Variants in PET117 observed in about 807,000 individuals in gnomAD.
PET117 encodes the protein PET117 cytochrome c oxidase chaperone.
A neutral mutation model predicts 9.2 loss-of-function variants in PET117; 10 were observed. That is an observed-to-expected ratio of 1.09 (90% CI 0.67 to 1.85). PET117 has a LOEUF of 1.85. Ranked by LOEUF, PET117 falls within the 40% of genes most tolerant of loss-of-function variation. The pLI, the probability that PET117 is intolerant of heterozygous loss-of-function variation, is 0.00. For missense variants in PET117, 96 were observed against 98.2 expected (o/e 0.98, Z 0.09); for synonymous variants, 43 against 37.1 (o/e 1.16, Z -0.57).
chr20:18,139,834 A>T (rs1393581275), intron 1 of PET117, among the ~76,000 whole-genome samples: 1 of 152,214 alleles, frequency 6.6e-6, no homozygotes, highest in Non-Finnish European at 1.5e-5. Flanking sequence ...ACCGTCTACC[A>T]CATACCAGGC....
chr20:18,138,090 G>A (rs1349380677), intron 1 of PET117, 39 bp downstream of exon 1: 1 of 1,438,958 alleles, frequency 6.9e-7, no homozygotes, highest in Non-Finnish European at 9.1e-7. Context: ...GCCCGCGCGC[G>A]CGGCGTCGAC....
intron 1 of PET117, among the ~76,000 whole-genome samples, chr20:18,141,047 A>AAT (rs2037547757): frequency 1.2e-4 from 11 of 92,854 alleles, no homozygotes; most frequent in Admixed American, 2.9e-4. Flanking sequence ...TTTTTTTTTT[A>AAT]TTTTTATTTT....
In PET117 at chr20:18,142,219, C is replaced by G; in HGVS notation, c.108C>G (p.Asp36Glu). ...KQQWDQQRLR[D>E]GVIRDIERQI... Reference sequence around the variant, plus strand: ...TCTTACGTTTTTAGAGGCTTCGTGACGGAGTTATCAGAGACATTGAGAGGC... The same window carrying G: ...TCTTACGTTTTTAGAGGCTTCGTGAGGGAGTTATCAGAGACATTGAGAGGC... Residue 36 changes from aspartate (D) to glutamate (E), a missense_variant, in exon 2 of 2, where the codon GAC (aspartate) becomes GAG (glutamate). By Grantham distance (45) the Asp-to-Glu change is conservative (BLOSUM62 2). Transcript: ENST00000432901. 6.5e-7 allele frequency: 1 copy of G among 1,536,768 alleles called. No homozygotes were observed. Among genetic ancestry groups the G allele is most frequent in the Non-Finnish European group, 8.7e-7 (1 of 1,146,708 alleles).
rs535857654 is a variant in PET117, at chr20:18,137,931, A to G, written c.-25A>G. 14 of 1,474,798 alleles carry G rather than the reference A, an allele frequency of 9.5e-6. No homozygotes were observed. The East Asian group carries it at 3.2e-4, about 33-fold the overall frequency. 91.4% of individuals were successfully genotyped at this position (1,474,798 alleles called of 1,614,324 possible). On this transcript the variant is annotated 5_prime_UTR_variant, in exon 1 of 2. Coordinates refer to ENST00000432901, the MANE Select transcript of PET117 (RefSeq NM_001164811.2). ...TCTGCGCCTCGGGCGGGCGGGAGAG[A>G]GAGGCCGCGGCCGCCAGCGTGGGGA...
rs1278377241 is a variant in PET117 at position 18,142,375 on chromosome 20, T to C, written c.*18T>C. On this transcript the variant is annotated 3_prime_UTR_variant, in exon 2 of 2. Transcript: ENST00000432901. ...AATCATGACTTGAATGTGAAATATC[T>C]GTTGGACAGACAACACGAGTTTGTG... is the stretch of plus-strand genomic sequence containing the variant. 21 of 1,533,104 alleles carry C rather than the reference T, an allele frequency of 1.4e-5. No homozygotes were observed. In the Admixed American group the frequency reaches 3.9e-4, roughly 29 times the overall value. 95.0% of individuals were successfully genotyped at this position (1,533,104 alleles called of 1,614,324 possible).
Position 18,142,780 on chromosome 20 carries a change from C to T in PET117, c.*423C>T, listed in dbSNP as rs756717589. On this transcript the variant is annotated 3_prime_UTR_variant, in exon 2 of 2. Coordinates refer to ENST00000432901, the MANE Select transcript of PET117 (RefSeq NM_001164811.2). Reference sequence around the variant, plus strand: ...TGGAGGGAGAGACGCTCCTGATCGTCGAATCCGAGGATCAGGCATCAGTGG... The same window carrying T: ...TGGAGGGAGAGACGCTCCTGATCGTTGAATCCGAGGATCAGGCATCAGTGG... The T allele has an allele frequency of 5.6e-6, 9 of 1,614,112 alleles. No individual in the cohort carries two copies. Among genetic ancestry groups the T allele is most frequent in the South Asian group, 2.2e-5 (2 of 91,068 alleles).
In PET117 at chr20:18,142,325, A is replaced by T; in HGVS notation, c.214A>T (p.Met72Leu). The T allele has an allele frequency of 6.5e-7, 1 of 1,536,898 alleles. No homozygotes were observed. The highest frequency in any genetic ancestry group is 1.4e-5 in the African/African-American group (1 of 73,164). ...GCAACTTGAAGCAGAAAGAGAGAAG[A>T]TGTTATTGGCAAAAGGATCTCAAAA... ...TEQLEAEREK[M>L]LLAKGSQKS The change falls in exon 2 of 2, where the codon ATG becomes TTG. Residue 72 changes from methionine to leucine, a missense_variant. Coordinates refer to ENST00000432901, the MANE Select transcript of PET117 (RefSeq NM_001164811.2).
At chr20:18,142,128 C>T in intron 1 of PET117, 80 bp from the exon 2 acceptor site, 2 of 1,387,436 alleles carry the variant, frequency 1.4e-6, no homozygotes, top group Non-Finnish European at 1.9e-6. Flanking sequence ...TTTGGTAACA[C>T]TGTTATTTGG....
chr20:18,142,555 T>G lies in PET117; in HGVS notation c.*198T>G. 6.6e-7 allele frequency: 1 copy of G among 1,523,886 alleles called. No individual in the cohort carries two copies. Among genetic ancestry groups the G allele is most frequent in the Non-Finnish European group, 8.8e-7 (1 of 1,134,068 alleles). The allele number at this position is 1,523,886 out of a possible 1,614,324, so 94.4% of individuals were successfully genotyped here. On this transcript the variant is annotated 3_prime_UTR_variant, in exon 2 of 2. Coordinates refer to ENST00000432901, the MANE Select transcript of PET117 (RefSeq NM_001164811.2). Reference sequence around the variant, plus strand: ...ATAAAGGAGTGTGGGCAGACACTTTTTGGAAGAGTCTGTCTGGGTGATCCT... The same window carrying G: ...ATAAAGGAGTGTGGGCAGACACTTTGTGGAAGAGTCTGTCTGGGTGATCCT...
Position 18,143,148 on chromosome 20 carries a change from A to G in PET117, c.*791A>G. Reference sequence around the variant, plus strand: ...AATTAACACTTTTGGTGGTAACTCAATAAAATTGAGAAAATTGGAAATCCT... The same window carrying G: ...AATTAACACTTTTGGTGGTAACTCAGTAAAATTGAGAAAATTGGAAATCCT... On this transcript the variant is annotated 3_prime_UTR_variant, in exon 2 of 2. Coordinates refer to ENST00000432901, the MANE Select transcript of PET117 (RefSeq NM_001164811.2). 25 of 1,254,204 alleles carry G rather than the reference A, an allele frequency of 2.0e-5. No homozygotes were observed. Among genetic ancestry groups the G allele is most frequent in the Middle Eastern group, 3.1e-4 (1 of 3,180 alleles). The allele number at this position is 1,254,204 out of a possible 1,614,324, so 77.7% of individuals were successfully genotyped here.
At chr20:18,138,847 C>T (rs67583123) in intron 1 of PET117, among the ~76,000 whole-genome samples, 48,004 of 152,002 alleles carry the variant, frequency 0.32, 7,988 homozygotes, top group Non-Finnish European at 0.34. Context: ...CACTAAGCAC[C>T]TTGGGAATAC....
chr20:18,140,557 C>G (rs1413249678), intron 1 of PET117, among the ~76,000 whole-genome samples: 2 of 152,006 alleles, frequency 1.3e-5, no homozygotes, highest in African/African-American at 4.8e-5. Flanking sequence ...TGCCTGTAAT[C>G]CCAGCACTTT....
At chr20:18,141,766 C>G (rs925852130) in intron 1 of PET117, among the ~76,000 whole-genome samples, 1 of 152,154 alleles carries the variant, frequency 6.6e-6, no homozygotes, top group Non-Finnish European at 1.5e-5. Flanking sequence ...CGCCTGTAGT[C>G]TCAGCTACTC....
intron 1 of PET117, among the ~76,000 whole-genome samples, chr20:18,139,636 G>A (rs1568660947): frequency 4.5e-5 from 1 of 22,396 alleles, no homozygotes; most frequent in Non-Finnish European, 7.8e-5. Flanking sequence ...AAAATAACGT[G>A]TGTGTGTGTG....
intron 1 of PET117, among the ~76,000 whole-genome samples, chr20:18,141,526 A>G (rs1478782182): frequency 1.3e-5 from 2 of 152,200 alleles, no homozygotes; most frequent in Non-Finnish European, 2.9e-5. Flanking sequence ...ACAGAAGAGT[A>G]GTTTAGAGTG....
In PET117 at chr20:18,142,523, T is replaced by C. The variant is rs2037625552; in HGVS notation, c.*166T>C. Reference sequence around the variant, plus strand: ...AAGTTACTGCTTTCAGGGTCCCTTATATCTGAATAAAGGAGTGTGGGCAGA... The same window carrying C: ...AAGTTACTGCTTTCAGGGTCCCTTACATCTGAATAAAGGAGTGTGGGCAGA... On this transcript the variant is annotated 3_prime_UTR_variant, in exon 2 of 2. Transcript: ENST00000432901. 7.4e-6 allele frequency: 11 copies of C among 1,476,992 alleles called. No individual in the cohort carries two copies. The highest frequency in any genetic ancestry group is 1.4e-5 in the African/African-American group (1 of 70,908). The allele number at this position is 1,476,992 out of a possible 1,614,324, so 91.5% of individuals were successfully genotyped here.
In PET117 at chr20:18,142,933, C is replaced by T. The variant is rs41276414; in HGVS notation, c.*576C>T. 10 of 1,610,046 alleles carry T rather than the reference C, an allele frequency of 6.2e-6. No individual in the cohort carries two copies. Among genetic ancestry groups the T allele is most frequent in the Non-Finnish European group, 7.6e-6 (9 of 1,176,554 alleles). On this transcript the variant is annotated 3_prime_UTR_variant, in exon 2 of 2. Coordinates refer to ENST00000432901, the MANE Select transcript of PET117 (RefSeq NM_001164811.2). ...GGATACCAGCCAGTAAGGAGCTTCT[C>T]AATTCCTTTGATTTGTCAATTCCTG...
chr20:18,139,721 T>C (rs1176590980), intron 1 of PET117, among the ~76,000 whole-genome samples: 3 of 151,648 alleles, frequency 2.0e-5, no homozygotes, highest in Admixed American at 2.0e-4. Flanking sequence ...GGGGCTTACA[T>C]TGTATTAATA....
rs1424253491 is a variant in PET117, at chr20:18,142,319, GAGA to G, written c.212_214del (p.Lys71del). On this transcript the variant is annotated inframe_deletion, in exon 2 of 2. Coordinates refer to ENST00000432901, the MANE Select transcript of PET117 (RefSeq NM_001164811.2). ...GACTGAGCAACTTGAAGCAGAAAGA[GAGA>G]AGATGTTATTGGCAAAAGGATCTCA... The G allele has an allele frequency of 2.0e-6, 3 of 1,537,004 alleles. No homozygotes were observed. The highest frequency in any genetic ancestry group is 2.0e-5 in the Admixed American group (1 of 50,958).
Sources: gnomAD v4.1 joint callset for allele counts (sites outside exome capture counted in the v4.1 genomes callset) on GRCh38, gnomAD v4.1.1 for gene constraint, MANE v1.5 for transcripts, NCBI Gene and HGNC (gene_info 2026-07-23, HGNC 2026-07-21) for gene names.